Variants in DCC observed in about 807,000 individuals in gnomAD.
DCC encodes the protein DCC netrin 1 receptor, also known as netrin receptor DCC.
DCC carries 58 observed loss-of-function variants against 172.5 expected under a neutral mutation model. That is an observed-to-expected ratio of 0.34 (90% CI 0.27 to 0.42). The LOEUF (loss-of-function observed/expected upper bound fraction) is 0.42, where lower values mean the gene tolerates loss of function less well. Among genes scored for constraint, DCC ranks in the 10% least tolerant of loss-of-function variants. The pLI is 1.00. For missense variants in DCC, 1,740 were observed against 1,791.0 expected, an observed-to-expected ratio of 0.97 and a Z score of 0.51; for synonymous variants, 709 against 644.5, an observed-to-expected ratio of 1.10 and a Z score of -1.52.
chr18:52,906,431 A>C lies in DCC; in HGVS notation c.697+103A>C, dbSNP rs975002584. ...TATTTGTAATTGTTATAAGTTCTGTATTGTTCATTGCGTTTTGTTTATTAT... is the reference window on the plus strand; with the variant it reads ...TATTTGTAATTGTTATAAGTTCTGTCTTGTTCATTGCGTTTTGTTTATTAT... On this transcript the variant is annotated intron_variant, in intron 3 of 28. Coordinates refer to ENST00000442544, the MANE Select transcript of DCC (RefSeq NM_005215.4). 2.5e-6 allele frequency: 3 copies of C among 1,180,876 alleles called. No individual in the cohort carries two copies. The African/African-American group carries it at 4.6e-5, about 18-fold the overall frequency. 73.1% of individuals were successfully genotyped at this position (1,180,876 alleles called of 1,614,324 possible). A position where few individuals can be genotyped will look rare whatever the true frequency, so the allele number is the denominator to read the frequency against.
intron 7 of DCC, among the ~76,000 whole-genome samples, chr18:53,067,330 G>A (rs1401692241): frequency 6.6e-6 from 1 of 151,868 alleles, no homozygotes; most frequent in Non-Finnish European, 1.5e-5. Context: ...AGACCAATCT[G>A]GACAACATGG....
At chr18:53,110,607 T>C (rs2043316052) in intron 7 of DCC, among the ~76,000 whole-genome samples, 1 of 151,268 alleles carries the variant, frequency 6.6e-6, no homozygotes, top group South Asian at 2.1e-4. Context: ...CAGACACTTC[T>C]CAAAAGAAGA....
At chr18:53,214,066 C>A (rs981699712) in intron 11 of DCC, among the ~76,000 whole-genome samples, 2 of 151,970 alleles carry the variant, frequency 1.3e-5, no homozygotes, top group East Asian at 3.9e-4. Context: ...GAATAAATAT[C>A]TTTTTCCTTA....
At chr18:52,422,534 A>G (rs1246458533) in intron 1 of DCC, among the ~76,000 whole-genome samples, 1 of 152,208 alleles carries the variant, frequency 6.6e-6, no homozygotes, top group African/African-American at 2.4e-5. Context: ...AGAGTAAGGA[A>G]GGATATACAA....
chr18:52,920,932 G>A (rs1041826066), intron 3 of DCC, among the ~76,000 whole-genome samples: 3 of 152,122 alleles, frequency 2.0e-5, no homozygotes, highest in African/African-American at 7.2e-5. Flanking sequence ...AAAAGGCTAT[G>A]TACTTTATGA....
chr18:53,218,001 A>G (rs2055879565), intron 12 of DCC, among the ~76,000 whole-genome samples: 1 of 151,900 alleles, frequency 6.6e-6, no homozygotes, highest in African/African-American at 2.4e-5. Flanking sequence ...TGCAACCACC[A>G]TGACTGACTA....
chr18:53,294,604 C>A (rs1197511708), intron 12 of DCC, among the ~76,000 whole-genome samples: 1 of 152,158 alleles, frequency 6.6e-6, no homozygotes, highest in Non-Finnish European at 1.5e-5. Flanking sequence ...CTGGAGGACT[C>A]AGCCTTGCAT....
At chr18:53,006,880 G>A (rs554870958) in intron 5 of DCC, among the ~76,000 whole-genome samples, 12 of 152,254 alleles carry the variant, frequency 7.9e-5, no homozygotes, top group Non-Finnish European at 1.8e-4. Flanking sequence ...TGGTCATAAC[G>A]TTTTGCAGCC....
intron 2 of DCC, among the ~76,000 whole-genome samples, chr18:52,780,495 TTTAC>T (rs1482192436): frequency 6.6e-6 from 1 of 152,156 alleles, no homozygotes; most frequent in African/African-American, 2.4e-5. Context: ...GGCATTCACA[TTTAC>T]TTAATCTAAG....
chr18:52,616,051 TC>T (rs142940537), intron 1 of DCC, among the ~76,000 whole-genome samples: 255 of 152,258 alleles, frequency 1.7e-3, no homozygotes, highest in African/African-American at 5.5e-3. Context: ...CTCACTGAAT[TC>T]CCATATTACT....
intron 1 of DCC, among the ~76,000 whole-genome samples, chr18:52,511,490 G>C (rs868005165): frequency 1.3e-5 from 2 of 152,082 alleles, no homozygotes; most frequent in Non-Finnish European, 2.9e-5. Flanking sequence ...AACTGGGAAG[G>C]GGTTGAGGTT....
intron 2 of DCC, among the ~76,000 whole-genome samples, chr18:52,864,608 A>G (rs953205054): frequency 6.6e-6 from 1 of 152,024 alleles, no homozygotes; most frequent in Admixed American, 6.6e-5. Flanking sequence ...CATAGGTGCC[A>G]TGGTGGTTTG....
chr18:53,120,606 G>C (rs1335001668), intron 7 of DCC, among the ~76,000 whole-genome samples: 1 of 151,746 alleles, frequency 6.6e-6, no homozygotes, highest in African/African-American at 2.4e-5. Context: ...AATAAGCCCA[G>C]TAAAGATGAT....
chr18:53,446,108 A>C lies in DCC; in HGVS notation c.3230-4392A>C, dbSNP rs576472521. Among the ~76,000 whole-genome samples the C allele has an allele frequency of 8.3e-3, 1,200 of 144,312 alleles. 48 individuals carry two copies. Among genetic ancestry groups the C allele is most frequent in the Non-Finnish European group, 0.012 (781 of 65,714 alleles). The allele number at this position is 144,312 out of a possible 152,430, so 94.7% of individuals were successfully genotyped here. A position where few individuals can be genotyped will look rare whatever the true frequency, so the allele number is the denominator to read the frequency against. ...AAGACCCTGTCTCTACAAAAAAAAA[A>C]AAAAAACAAAAAAAAACACTTAAAA... is the stretch of plus-strand genomic sequence containing the variant. On this transcript the variant is annotated intron_variant, in intron 22 of 28. Transcript: ENST00000442544.
intron 7 of DCC, among the ~76,000 whole-genome samples, chr18:53,133,070 C>T (rs1042129034): frequency 6.6e-6 from 1 of 152,148 alleles, no homozygotes; most frequent in Non-Finnish European, 1.5e-5. Context: ...GTACTAACTC[C>T]CTTCATCTAA....
chr18:52,789,828 G>A lies in DCC; in HGVS notation c.412+37454G>A, dbSNP rs141746535. Among the ~76,000 whole-genome samples, 679 of 152,218 alleles carry A rather than the reference G, an allele frequency of 4.5e-3. 4 individuals carry two copies. Among genetic ancestry groups the A allele is most frequent in the African/African-American group, 0.016 (645 of 41,520 alleles). On this transcript the variant is annotated intron_variant, in intron 2 of 28. Coordinates refer to ENST00000442544, the MANE Select transcript of DCC (RefSeq NM_005215.4). ...AACTTTGGGAGGAGCCTGGTTTACA[G>A]TTTATAGTCCAAAACAAAGATAATA...
intron 1 of DCC, among the ~76,000 whole-genome samples, chr18:52,681,295 A>G (rs2035746896): frequency 1.3e-5 from 2 of 151,934 alleles, no homozygotes; most frequent in Non-Finnish European, 2.9e-5. Flanking sequence ...TCCTCCGTCC[A>G]TTGCTCTGAA....
At chr18:52,742,012 A>G (rs1197162551) in intron 1 of DCC, among the ~76,000 whole-genome samples, 1 of 152,172 alleles carries the variant, frequency 6.6e-6, no homozygotes, top group Non-Finnish European at 1.5e-5. Flanking sequence ...GAAGAAGAAG[A>G]GACATCTGAG....
intron 1 of DCC, among the ~76,000 whole-genome samples, chr18:52,665,872 A>G (rs1219505713): frequency 2.0e-5 from 3 of 152,244 alleles, no homozygotes; most frequent in Non-Finnish European, 4.4e-5. Context: ...CTAGAGTTCA[A>G]TCATTTGCCT....
Sources: gnomAD v4.1 joint callset for allele counts (sites outside exome capture counted in the v4.1 genomes callset) on GRCh38, gnomAD v4.1.1 for gene constraint, MANE v1.5 for transcripts, NCBI Gene and HGNC (gene_info 2026-07-23, HGNC 2026-07-21) for gene names.